Variants in PAPPA observed in about 807,000 individuals in gnomAD.
The protein encoded by PAPPA is pappalysin-1.
PAPPA carries 60 observed loss-of-function variants against 164.0 expected under a neutral mutation model. That is an observed-to-expected ratio of 0.37 (90% CI 0.30 to 0.45). The LOEUF (loss-of-function observed/expected upper bound fraction) is 0.45. Ranked by LOEUF, PAPPA falls within the 20% of genes least tolerant of loss-of-function variation. The pLI is 1.00. For synonymous variants in PAPPA, 875 were observed against 814.1 expected (o/e 1.07, Z -1.27); for missense variants, 1,782 against 2,087.3 (o/e 0.85, Z 2.85).
Position 116,188,028 on chromosome 9 carries a change from C to T in PAPPA, c.1290C>T (p.His430=). 6.2e-7 allele frequency: 1 copy of T among 1,614,216 alleles called. No homozygotes were observed. The highest frequency in any genetic ancestry group is 1.7e-5 in the Admixed American group (1 of 60,030). ...GDENCDPECN[H]TLTGHDGGDC... ...AGAACTGTGACCCCGAGTGCAACCACACGCTGACGGGCCACGACGGCGGGG... is the reference window on the plus strand; with the variant it reads ...AGAACTGTGACCCCGAGTGCAACCATACGCTGACGGGCCACGACGGCGGGG... The change falls in exon 2 of 22, where the codon CAC becomes CAT. Residue 430 remains histidine, a synonymous_variant. Transcript: ENST00000328252.
chr9:116,298,391 A>G (rs1002164673), intron 9 of PAPPA, among the ~76,000 whole-genome samples: 13 of 152,352 alleles, frequency 8.5e-5, no homozygotes, highest in South Asian at 4.1e-4. Context: ...AATGGCACCT[A>G]CCCACGTCAA....
At chr9:116,321,331 A>T (rs1446549441) in intron 10 of PAPPA, among the ~76,000 whole-genome samples, 2 of 152,208 alleles carry the variant, frequency 1.3e-5, no homozygotes, top group Non-Finnish European at 1.5e-5. Context: ...CTGGCCATAC[A>T]TTCGCTTAGC....
chr9:116,183,175 G>C (rs558341015), intron 1 of PAPPA, among the ~76,000 whole-genome samples: 2 of 152,196 alleles, frequency 1.3e-5, no homozygotes, highest in South Asian at 2.1e-4. Flanking sequence ...TGGAGACGTG[G>C]GGGTTCTTTT....
At chr9:116,338,246 C>T (rs1846088769) in intron 13 of PAPPA, among the ~76,000 whole-genome samples, 1 of 152,188 alleles carries the variant, frequency 6.6e-6, no homozygotes, top group African/African-American at 2.4e-5. Context: ...TCCTCTCACT[C>T]TTTTTCACAT....
At chr9:116,389,015 G>A (rs956686494) in intron 21 of PAPPA, among the ~76,000 whole-genome samples, 2 of 152,116 alleles carry the variant, frequency 1.3e-5, no homozygotes, top group African/African-American at 4.8e-5. Flanking sequence ...TACATGGAGA[G>A]CAACCTTCTT....
intron 21 of PAPPA, among the ~76,000 whole-genome samples, chr9:116,393,767 G>A (rs554145224): frequency 1.3e-5 from 2 of 152,122 alleles, no homozygotes; most frequent in Non-Finnish European, 2.9e-5. Flanking sequence ...AGAGTGGAGG[G>A]CCATTAGTGG....
intron 9 of PAPPA, among the ~76,000 whole-genome samples, chr9:116,272,452 T>G (rs1444944721): frequency 6.6e-6 from 1 of 152,180 alleles, no homozygotes; most frequent in East Asian, 1.9e-4. Context: ...CTGCAGTGCA[T>G]TACAGGGGTG....
chr9:116,303,872 C>A (rs533231400), intron 10 of PAPPA, among the ~76,000 whole-genome samples: 1 of 152,200 alleles, frequency 6.6e-6, no homozygotes, highest in African/African-American at 2.4e-5. Flanking sequence ...AATAGGACTA[C>A]CTCATTTTTA....
intron 1 of PAPPA, among the ~76,000 whole-genome samples, chr9:116,180,478 T>C (rs2118611122): frequency 6.6e-6 from 1 of 152,324 alleles, no homozygotes; most frequent in Non-Finnish European, 1.5e-5. Context: ...CCACTTAGTC[T>C]GTGCTTAGTA....
intron 7 of PAPPA, among the ~76,000 whole-genome samples, chr9:116,252,220 C>T (rs950440092): frequency 6.6e-6 from 1 of 152,150 alleles, no homozygotes; most frequent in African/African-American, 2.4e-5. Flanking sequence ...GTAAGGATGT[C>T]GTTGCCAGTA....
chr9:116,379,344 T>C (rs1846696500), intron 20 of PAPPA, among the ~76,000 whole-genome samples: 1 of 152,176 alleles, frequency 6.6e-6, no homozygotes, highest in Non-Finnish European at 1.5e-5. Context: ...AAAGAAAGGG[T>C]TTGGGGACCC....
intron 10 of PAPPA, among the ~76,000 whole-genome samples, chr9:116,307,337 C>A (rs533105984): frequency 2.0e-5 from 3 of 152,124 alleles, no homozygotes; most frequent in Admixed American, 2.0e-4. Context: ...CGGTGGCTCA[C>A]GCTTGTAATT....
At chr9:116,395,007 G>C (rs965590041) in intron 21 of PAPPA, among the ~76,000 whole-genome samples, 3 of 152,186 alleles carry the variant, frequency 2.0e-5, no homozygotes, top group African/African-American at 7.2e-5. Flanking sequence ...GAGGGAGCGG[G>C]AGAGAGAAAG....
In PAPPA at chr9:116,331,244, G is replaced by A; in HGVS notation, c.3148G>A (p.Val1050Met). The stretch of plus-strand genomic sequence containing the variant: ...TTATTTTTTCTTTATATTTTTCCAG[G>A]TGTGTCGAACCAAGGTGATAGATCT... ...VIIGQPAASQVCRTKVIDLSE... is the reference protein window; with the variant it reads ...VIIGQPAASQMCRTKVIDLSE... Residue 1050 changes from valine to methionine, a missense_variant and splice_region_variant, in exon 11 of 22, where the codon GTG (valine) becomes ATG (methionine). Transcript: ENST00000328252. 1 of 1,562,238 alleles carries A rather than the reference G, an allele frequency of 6.4e-7. No individual in the cohort carries two copies. Among genetic ancestry groups the A allele is most frequent in the African/African-American group, 1.4e-5 (1 of 73,920 alleles).
At chr9:116,344,511 C>G in intron 13 of PAPPA, 32 bp from the exon 14 acceptor site, 1 of 1,596,940 alleles carries the variant, frequency 6.3e-7, no homozygotes, top group South Asian at 1.1e-5. Flanking sequence ...TGTGAGGAGA[C>G]TCCTTCTTCC....
intron 2 of PAPPA, among the ~76,000 whole-genome samples, chr9:116,196,485 G>A (rs951976834): frequency 1.7e-4 from 26 of 152,212 alleles, no homozygotes; most frequent in Non-Finnish European, 1.5e-5. Flanking sequence ...GCAAGAGATG[G>A]TTGAACTGAC....
chr9:116,165,130 T>A (rs1204361863), intron 1 of PAPPA, among the ~76,000 whole-genome samples: 2 of 152,222 alleles, frequency 1.3e-5, no homozygotes, highest in Non-Finnish European at 2.9e-5. Context: ...CAACTTAGAA[T>A]GTTACTTCTA....
chr9:116,159,525 A>C (rs1843642761), intron 1 of PAPPA, among the ~76,000 whole-genome samples: 1 of 152,178 alleles, frequency 6.6e-6, no homozygotes, highest in Admixed American at 6.6e-5. Flanking sequence ...CCTCTGTAAT[A>C]AGAGCCAAAG....
At chr9:116,217,117 T>A (rs1213705940) in intron 4 of PAPPA, among the ~76,000 whole-genome samples, 1 of 152,178 alleles carries the variant, frequency 6.6e-6, no homozygotes, top group African/African-American at 2.4e-5. Context: ...TTCAAACTTA[T>A]TTTTATCAAC....
Sources: gnomAD v4.1 joint callset for allele counts (sites outside exome capture counted in the v4.1 genomes callset) on GRCh38, gnomAD v4.1.1 for gene constraint, MANE v1.5 for transcripts, NCBI Gene and HGNC (gene_info 2026-07-23, HGNC 2026-07-21) for gene names.